AGBL1: variants seen among roughly 807,000 people sequenced by gnomAD.
AGBL1 encodes the protein cytosolic carboxypeptidase 4.
AGBL1 carries 130 observed loss-of-function variants against 118.9 expected under a neutral mutation model. The ratio of observed to expected loss-of-function variants is 1.09; its 90% CI spans 0.95 to 1.26. The LOEUF is 1.26. AGBL1 is among the 50% of genes most tolerant of loss of function. The probability of loss-of-function intolerance (pLI) is 0.00; values close to 1 mark genes in which losing one functional copy is unlikely to be tolerated. For synonymous variants in AGBL1, 555 were observed against 478.9 expected (o/e 1.16, Z -2.08); for missense variants, 1,584 against 1,298.1 (o/e 1.22, Z -3.38).
At chr15:87,030,020 A>G (rs1379088407), downstream of AGBL1, among the ~76,000 whole-genome samples, 1 of 152,018 alleles carries the variant, frequency 6.6e-6, no homozygotes, top group Non-Finnish European at 1.5e-5. Flanking sequence ...AATGAAAAAA[A>G]AATCTATATT....
intron 22 of AGBL1, among the ~76,000 whole-genome samples, chr15:86,680,718 C>A (rs2142568065): frequency 6.6e-6 from 1 of 151,650 alleles, no homozygotes; most frequent in Admixed American, 6.6e-5. Flanking sequence ...AGGTGCCCAC[C>A]ATCATGCGTG....
At chr15:86,414,596 ATTTTCT>A (rs2081664893) in intron 18 of AGBL1, among the ~76,000 whole-genome samples, 1 of 152,170 alleles carries the variant, frequency 6.6e-6, no homozygotes, top group African/African-American at 2.4e-5. Flanking sequence ...GGGTAAACAA[ATTTTCT>A]TTTAATTGTA....
At chr15:86,097,550 T>C (rs562455230) in intron 1 of AGBL1, among the ~76,000 whole-genome samples, 41 of 152,114 alleles carry the variant, frequency 2.7e-4, no homozygotes, top group African/African-American at 9.6e-4. Flanking sequence ...TTTTTTTTTT[T>C]TTAGCTCCCA....
chr15:86,202,805 G>C (rs1227908168), intron 5 of AGBL1, among the ~76,000 whole-genome samples: 1 of 152,200 alleles, frequency 6.6e-6, no homozygotes, highest in Admixed American at 6.5e-5. Flanking sequence ...AACTGTAGTG[G>C]CTTATCACAG....
At chr15:86,451,706 A>T (rs1440814088) in intron 18 of AGBL1, among the ~76,000 whole-genome samples, 1 of 152,042 alleles carries the variant, frequency 6.6e-6, no homozygotes, top group Non-Finnish European at 1.5e-5. Context: ...CCTACCAGAG[A>T]CCACCTTCTC....
intron 1 of AGBL1, among the ~76,000 whole-genome samples, chr15:86,085,208 T>C (rs905012163): frequency 6.6e-6 from 1 of 152,110 alleles, no homozygotes; most frequent in African/African-American, 2.4e-5. Flanking sequence ...TGATTAGAGA[T>C]TCAGGGAAGG....
intron 24 of AGBL1, among the ~76,000 whole-genome samples, chr15:87,026,012 ATTGATTAAGGAC>A (rs2141812115): frequency 6.6e-6 from 1 of 152,250 alleles, no homozygotes; most frequent in African/African-American, 2.4e-5. Context: ...TCAATTCAAG[ATTGATTAAGGAC>A]TTAAATATAA....
intron 17 of AGBL1, among the ~76,000 whole-genome samples, chr15:86,320,521 A>G (rs2080088547): frequency 6.6e-6 from 1 of 152,076 alleles, no homozygotes; most frequent in Admixed American, 6.6e-5. Context: ...AGAATTTTTT[A>G]TGCCGATATA....
At chr15:87,008,823 C>A (rs183805141) in intron 24 of AGBL1, among the ~76,000 whole-genome samples, 24 of 152,220 alleles carry the variant, frequency 1.6e-4, no homozygotes, top group Admixed American at 1.3e-3. Context: ...GCACTTTGCC[C>A]CTGCCCTAGA....
chr15:86,282,250 C>CCT lies in AGBL1; in HGVS notation c.2220+2473_2220+2474dup, dbSNP rs917065539. ...CAAAACACACAAAAAAGAGGACCCC[C>CCT]CTCTCTCCACCAGTCACTAAGTTTC... On this transcript the variant is annotated intron_variant, in intron 16 of 22. Transcript: ENST00000614907. 3.3e-5 allele frequency among the ~76,000 whole-genome samples: 5 copies of CCT among 152,226 alleles called. No homozygotes were observed. The South Asian group carries it at 6.2e-4, about 19-fold the overall frequency.
At chr15:86,585,270 G>A (rs529883670) in intron 21 of AGBL1, among the ~76,000 whole-genome samples, 15 of 152,160 alleles carry the variant, frequency 9.9e-5, no homozygotes, top group Non-Finnish European at 1.5e-4. Context: ...GAAGCAGGCT[G>A]GAGTGTGATG....
At chr15:86,106,465 A>T (rs962155429) in intron 1 of AGBL1, among the ~76,000 whole-genome samples, 3 of 152,252 alleles carry the variant, frequency 2.0e-5, no homozygotes, top group Admixed American at 1.3e-4. Flanking sequence ...TTTTCACTCA[A>T]TTCCAGTGGC....
At chr15:86,482,776 T>C (rs1252970609) in intron 18 of AGBL1, among the ~76,000 whole-genome samples, 1 of 152,020 alleles carries the variant, frequency 6.6e-6, no homozygotes, top group African/African-American at 2.4e-5. Flanking sequence ...TCAACATAGA[T>C]CAGATTTTTT....
chr15:86,708,261 A>G (rs1596390521), intron 22 of AGBL1, among the ~76,000 whole-genome samples: 1 of 152,096 alleles, frequency 6.6e-6, no homozygotes, highest in African/African-American at 2.4e-5. Flanking sequence ...CTGAGATTAA[A>G]TGAGATCATA....
chr15:86,847,883 G>C (rs931743761), intron 22 of AGBL1, among the ~76,000 whole-genome samples: 1 of 152,134 alleles, frequency 6.6e-6, no homozygotes, highest in South Asian at 2.1e-4. Context: ...TTGCCTCCCA[G>C]GTTTCCTTGT....
Position 86,948,564 on chromosome 15 carries a change from T to G in AGBL1, c.3222-39423T>G, listed in dbSNP as rs77912566. ...CATAAGATTACCCTTCCTGGTCACTTTGTACACTTAGAGGATTATGCGTGG... is the reference window on the plus strand; with the variant it reads ...CATAAGATTACCCTTCCTGGTCACTGTGTACACTTAGAGGATTATGCGTGG... On this transcript the variant is annotated intron_variant, in intron 23 of 24. Transcript: ENST00000441037. Among the ~76,000 whole-genome samples, 291 of 152,338 alleles carry G rather than the reference T, an allele frequency of 1.9e-3. 1 individual carries two copies. Among genetic ancestry groups the G allele is most frequent in the Admixed American group, 4.6e-3 (70 of 15,292 alleles).
At chr15:86,298,358 T>TATATATATGGTAAC (rs2079691426) in intron 17 of AGBL1, among the ~76,000 whole-genome samples, 1 of 114,042 alleles carries the variant, frequency 8.8e-6, no homozygotes, top group Non-Finnish European at 1.9e-5. Flanking sequence ...GAATATATTC[T>TATATATATGGTAAC]TATATATATA....
At chr15:86,112,983 G>C (rs1193985996) in intron 1 of AGBL1, among the ~76,000 whole-genome samples, 1 of 152,064 alleles carries the variant, frequency 6.6e-6, no homozygotes, top group Non-Finnish European at 1.5e-5. Flanking sequence ...ATTTTTAAAA[G>C]CATTGTCTTT....
At chr15:86,121,840 GGTATA>G (rs1157975056) in intron 1 of AGBL1, among the ~76,000 whole-genome samples, 1 of 152,166 alleles carries the variant, frequency 6.6e-6, no homozygotes, top group African/African-American at 2.4e-5. Flanking sequence ...TCCACAGTGT[GGTATA>G]GTTCAGTGTT....
Sources: gnomAD v4.1 joint callset for allele counts (sites outside exome capture counted in the v4.1 genomes callset) on GRCh38, gnomAD v4.1.1 for gene constraint, MANE v1.5 for transcripts, NCBI Gene and HGNC (gene_info 2026-07-23, HGNC 2026-07-21) for gene names.